The following QTGAL variants were observed in gnomAD, a reference collection of about 807,000 sequenced individuals.
QTGAL encodes queuosine-tRNA galactosyltransferase, also known as BGnT-like protein 1.
chr17:82,986,662 G>T, the QTGAL span, among the ~76,000 whole-genome samples: 1 of 152,350 alleles, frequency 6.6e-6, no homozygotes, highest in African/African-American at 2.4e-5. Context: ...TGATCACTGT[G>T]AACTCACTTA....
At chr17:83,048,757 T>C in the QTGAL span, 1 of 1,614,108 alleles carries the variant, frequency 6.2e-7, no homozygotes, top group East Asian at 2.2e-5. Flanking sequence ...CAGCCACGGT[T>C]CAGCGTTGTG....
At chr17:82,958,670 CAGGG>C in the QTGAL span, among the ~76,000 whole-genome samples, 1 of 152,146 alleles carries the variant, frequency 6.6e-6, no homozygotes, top group Non-Finnish European at 1.5e-5. Context: ...TAGGCACTGT[CAGGG>C]AGGTCCTGCC....
At chr17:83,051,725 G>T in the QTGAL span, 17 of 1,487,926 alleles carry the variant, frequency 1.1e-5, no homozygotes, top group Non-Finnish European at 1.2e-5. Context: ...CACCCTCCCC[G>T]CTGGCACCTA....
chr17:83,028,991 C>A, the QTGAL span, among the ~76,000 whole-genome samples: 1 of 152,154 alleles, frequency 6.6e-6, no homozygotes, highest in Admixed American at 6.5e-5. Flanking sequence ...GCACGGCGTG[C>A]GGTTTCACGT....
chr17:82,975,737 C>T, the QTGAL span, among the ~76,000 whole-genome samples: 1 of 67,228 alleles, frequency 1.5e-5, no homozygotes, highest in Non-Finnish European at 2.9e-5. Flanking sequence ...CAGAGCCGGA[C>T]TCCATCCTCC....
At chr17:83,016,342 G>A in the QTGAL span, among the ~76,000 whole-genome samples, 8 of 152,078 alleles carry the variant, frequency 5.3e-5, no homozygotes, top group Admixed American at 3.3e-4. Context: ...CCCGCAAAAC[G>A]GCCTTAGGAC....
At chr17:82,956,742 G>A in the QTGAL span, 2 of 1,589,246 alleles carry the variant, frequency 1.3e-6, no homozygotes, top group South Asian at 1.1e-5. This position sits in a 1 kb window ranked among gnomAD's most constrained non-coding sequence, Gnocchi z 5.7. Context: ...CGGAAGTGCA[G>A]GATGGGGATT....
the QTGAL span, among the ~76,000 whole-genome samples, chr17:82,988,740 CAT>C: frequency 3.9e-5 from 6 of 152,312 alleles, no homozygotes; most frequent in African/African-American, 1.4e-4. Context: ...CAGCAACAAA[CAT>C]ATGATAAAAA....
At chr17:82,984,330 G>A in the QTGAL span, among the ~76,000 whole-genome samples, 51 of 114,258 alleles carry the variant, frequency 4.5e-4, no homozygotes, top group Non-Finnish European at 5.2e-4. Context: ...GAGAGGCCAC[G>A]TGAGCACACG....
At chr17:83,007,921 GCT>G in the QTGAL span, among the ~76,000 whole-genome samples, 1 of 152,246 alleles carries the variant, frequency 6.6e-6, no homozygotes, top group South Asian at 2.1e-4. Flanking sequence ...AAGGCAGCAA[GCT>G]CTCTCCCGTG....
chr17:82,959,073 G>C, the QTGAL span, among the ~76,000 whole-genome samples: 11 of 127,898 alleles, frequency 8.6e-5, no homozygotes, highest in Admixed American at 5.8e-4. Flanking sequence ...TACACTGGGG[G>C]TGTATGGTGT....
the QTGAL span, among the ~76,000 whole-genome samples, chr17:83,017,967 C>T: frequency 3.7e-5 from 3 of 81,180 alleles, no homozygotes; most frequent in East Asian, 3.7e-4. Flanking sequence ...CCGTGAACAC[C>T]GTGCGCCTGT....
the QTGAL span, among the ~76,000 whole-genome samples, chr17:83,033,918 T>C: frequency 6.6e-6 from 1 of 152,118 alleles, no homozygotes; most frequent in East Asian, 1.9e-4. Context: ...GTCCTCTGCC[T>C]ACTTATCTAT....
chr17:83,019,402 AAGTTGT>A, the QTGAL span, among the ~76,000 whole-genome samples: 2 of 152,254 alleles, frequency 1.3e-5, no homozygotes, highest in Non-Finnish European at 2.9e-5. Flanking sequence ...AAATCTATGC[AAGTTGT>A]ATTTAAAAAA....
At chr17:83,007,109 T>A in the QTGAL span, 1 of 687,672 alleles carries the variant, frequency 1.5e-6, no homozygotes, top group Non-Finnish European at 1.8e-6. Context: ...CTTAGTGAAA[T>A]GTCTTTTCAT....
chr17:83,008,556 G>T, the QTGAL span, among the ~76,000 whole-genome samples: 1 of 152,118 alleles, frequency 6.6e-6, no homozygotes, highest in South Asian at 2.1e-4. Flanking sequence ...CATGGCCATC[G>T]ACCCTCAAGC....
chr17:83,017,621 C>T, the QTGAL span, among the ~76,000 whole-genome samples: 1 of 152,130 alleles, frequency 6.6e-6, no homozygotes, highest in Non-Finnish European at 1.5e-5. Flanking sequence ...GACTCCATCT[C>T]AAAAAACAAA....
At chr17:83,020,168 G>T in the QTGAL span, among the ~76,000 whole-genome samples, 1 of 152,086 alleles carries the variant, frequency 6.6e-6, no homozygotes, top group African/African-American at 2.4e-5. Flanking sequence ...AATTCAGCAT[G>T]AAAAGACCAG....
the QTGAL span, among the ~76,000 whole-genome samples, chr17:82,946,569 A>AGTGCGTGTGTGTGTGTGTGTGTGTGT: frequency 4.5e-4 from 67 of 150,308 alleles, no homozygotes; most frequent in African/African-American, 1.6e-3. Context: ...ACAGAACCCA[A>AGTGCGTGTGTGTGTGTGTGTGTGTGT]GTGTGTGTGT....
Sources: allele counts gnomAD v4.1 joint callset (sites outside exome capture counted in the v4.1 genomes callset), GRCh38; gene constraint gnomAD v4.1.1; non-coding constraint Gnocchi (gnomAD v3.1); transcripts MANE v1.5; gene names NCBI Gene and HGNC (gene_info 2026-07-23, HGNC 2026-07-21).